Variants in SNED1 observed in about 807,000 individuals in gnomAD.
SNED1 encodes the protein sushi, nidogen and EGF-like domain-containing protein 1.
SNED1 carries 81 observed loss-of-function variants against 166.7 expected under a neutral mutation model. That is an observed-to-expected ratio of 0.49 (90% CI 0.41 to 0.58). The LOEUF (loss-of-function observed/expected upper bound fraction) is 0.58. Among genes scored for constraint, SNED1 ranks in the 20% least tolerant of loss-of-function variants. The probability of loss-of-function intolerance (pLI) is 0.00; values close to 1 mark genes in which losing one functional copy is unlikely to be tolerated. For synonymous variants in SNED1, 762 were observed against 822.0 expected (o/e 0.93, Z 1.25); for missense variants, 1,604 against 2,000.2 (o/e 0.80, Z 3.78).
At chr2:241,022,970 C>G (rs1412902230) in intron 1 of SNED1, among the ~76,000 whole-genome samples, 1 of 152,114 alleles carries the variant, frequency 6.6e-6, no homozygotes, top group Non-Finnish European at 1.5e-5. Flanking sequence ...ATCACTCTCA[C>G]CAGAGGTTTA....
chr2:241,084,840 C>T (rs1195475773), intron 29 of SNED1, among the ~76,000 whole-genome samples: 1 of 152,074 alleles, frequency 6.6e-6, no homozygotes, highest in Non-Finnish European at 1.5e-5. Context: ...CTGCTTTTGT[C>T]TGAAACTATT....
chr2:241,052,635 C>CG (rs1232343788), intron 15 of SNED1, among the ~76,000 whole-genome samples, 167 bp downstream of exon 15: 1 of 88,460 alleles, frequency 1.1e-5, no homozygotes, highest in Non-Finnish European at 2.2e-5. Context: ...GTGAGAGGGC[C>CG]GGGGGGCCAA....
Position 241,070,194 on chromosome 2 carries a change from C to A in SNED1, c.3582C>A (p.Ile1194=), listed in dbSNP as rs1445082727. Residue 1194 remains isoleucine (I), a synonymous_variant, in exon 24 of 32, where the codon ATC becomes ATA. Coordinates refer to ENST00000310397, the MANE Select transcript of SNED1 (RefSeq NM_001080437.3). The part of the protein sequence containing the change: ...PQHSEPAHLY[I]ITSPRDGADR... ...ACAGCGAGCCCGCCCACCTCTACATCATCACCTGTGAGTGCCGTGGGCCCT... is the reference window on the plus strand; with the variant it reads ...ACAGCGAGCCCGCCCACCTCTACATAATCACCTGTGAGTGCCGTGGGCCCT... The A allele has an allele frequency of 6.2e-7, 1 of 1,605,140 alleles. No homozygotes were observed. Among genetic ancestry groups the A allele is most frequent in the Non-Finnish European group, 8.5e-7 (1 of 1,177,830 alleles).
rs536375407 is a variant in SNED1, at chr2:241,013,129, C to T, written c.213+14079C>T. ...GATTACAGGCGTGAGCCACCGCGCC[C>T]GGCCACGAGCAGTACTGTTAACTAC... On this transcript the variant is annotated intron_variant, in intron 1 of 31. Transcript: ENST00000310397. The surrounding 1 kb of genome is among the most constrained non-coding windows in gnomAD (Gnocchi z 4.6). Among the ~76,000 whole-genome samples, 6 of 152,162 alleles carry T rather than the reference C, an allele frequency of 3.9e-5. No individual in the cohort carries two copies. Among genetic ancestry groups the T allele is most frequent in the South Asian group, 2.1e-4 (1 of 4,814 alleles).
intron 8 of SNED1, among the ~76,000 whole-genome samples, chr2:241,047,175 T>G (rs57937869): frequency 0.2 from 11,713 of 59,452 alleles, 746 homozygotes; most frequent in East Asian, 0.33. Flanking sequence ...AAAAAGTAAA[T>G]TAGGTAAACT....
chr2:241,004,872 C>T (rs573402120), intron 1 of SNED1, among the ~76,000 whole-genome samples: 2 of 152,096 alleles, frequency 1.3e-5, no homozygotes, highest in South Asian at 2.1e-4. Flanking sequence ...TAGGCGCCCA[C>T]GACCACACCT....
At position 241,094,046 on chromosome 2, in the gene SNED1, G is replaced by C. The variant is rs1267633581; in HGVS notation, c.*2410G>C. ...CAACAACAGCCTAGGTTCTAGGGAG[G>C]GTGGCAGTGACCGGGATGCCACAAT... On this transcript the variant is annotated 3_prime_UTR_variant, in exon 32 of 32. Transcript: ENST00000310397. The surrounding 1 kb of genome is among the most constrained non-coding windows in gnomAD (Gnocchi z 4.3). 2.8e-5 allele frequency: 9 copies of C among 325,904 alleles called. No individual in the cohort carries two copies. The East Asian group carries it at 5.9e-4, about 21-fold the overall frequency. 20.2% of individuals were successfully genotyped at this position (325,904 alleles called of 1,614,324 possible). A position where few individuals can be genotyped will look rare whatever the true frequency, so the allele number is the denominator to read the frequency against.
rs1217634465 is a variant in SNED1 at position 241,049,481 on chromosome 2, A to G, written c.1619-336A>G. 3.3e-5 allele frequency among the ~76,000 whole-genome samples: 5 copies of G among 152,358 alleles called. 1 individual carries two copies. The highest frequency in any genetic ancestry group is 1.3e-4 in the Admixed American group (2 of 15,312). On this transcript the variant is annotated intron_variant, in intron 11 of 31. Coordinates refer to ENST00000310397, the MANE Select transcript of SNED1 (RefSeq NM_001080437.3). ...CTACTATACGTTTGTTAGTGTATAG[A>G]TGAGATGGTTAATCACTTGCATCAC...
rs553972222 is a variant in SNED1, at chr2:241,026,598, T to C, written c.214-3686T>C. Among the ~76,000 whole-genome samples, 3 of 152,358 alleles carry C rather than the reference T, an allele frequency of 2.0e-5. No individual in the cohort carries two copies. In the East Asian group the frequency reaches 5.8e-4, roughly 29 times the overall value. On this transcript the variant is annotated intron_variant, in intron 1 of 31. Transcript: ENST00000310397. ...AATGCATCAAGTCCACTCTTCAATC[T>C]ATCCAGTTAGTTCTTAATTTCTGTT...
rs138392042 is a variant in SNED1, at chr2:241,064,989, C to T, written c.2713+32C>T. ...GGCGAGGGCGCCTCCAGTGAGGGAG[C>T]CACGAGGGGGTCCCCTCTCCCTAGA... On this transcript the variant is annotated intron_variant, in intron 20 of 31. Coordinates refer to ENST00000310397, the MANE Select transcript of SNED1 (RefSeq NM_001080437.3). The surrounding 1 kb of genome is among the most constrained non-coding windows in gnomAD (Gnocchi z 7.0). 8.0e-5 allele frequency: 119 copies of T among 1,495,362 alleles called. No individual in the cohort carries two copies. The African/African-American group carries it at 1.4e-3, about 17-fold the overall frequency. The allele number at this position is 1,495,362 out of a possible 1,614,324, so 92.6% of individuals were successfully genotyped here.
chr2:241,021,841 G>A (rs79690335), intron 1 of SNED1, among the ~76,000 whole-genome samples: 3,037 of 152,246 alleles, frequency 0.02, 33 homozygotes, highest in African/African-American at 0.033. Flanking sequence ...ATTATTTGAG[G>A]AAATGCCAGA....
chr2:241,016,810 A>G (rs1337461633), intron 1 of SNED1, among the ~76,000 whole-genome samples: 1 of 143,776 alleles, frequency 7.0e-6, no homozygotes, highest in Non-Finnish European at 1.5e-5. Context: ...TGCATTTTCT[A>G]TTTCCACTTA....
intron 16 of SNED1, among the ~76,000 whole-genome samples, chr2:241,054,066 C>T (rs1162768533): frequency 6.6e-6 from 1 of 152,162 alleles, no homozygotes; most frequent in East Asian, 1.9e-4. Flanking sequence ...GGCCAACCTG[C>T]GTGGTCTCAG....
At chr2:241,063,816 C>A in intron 18 of SNED1, 116 bp downstream of exon 18, 1 of 882,190 alleles carries the variant, frequency 1.1e-6, no homozygotes, top group Non-Finnish European at 1.7e-6. Context: ...AGAGGGACCC[C>A]CAGGGCTGCG....
intron 17 of SNED1, 30 bp from the exon 18 acceptor site, chr2:241,063,557 C>G (rs1298709801): frequency 1.3e-6 from 2 of 1,490,406 alleles, no homozygotes; most frequent in Non-Finnish European, 1.8e-6. Context: ...CTTGAGCCAG[C>G]AACACCCTTG....
Position 241,094,724 on chromosome 2 carries a change from C to T in SNED1, c.*3088C>T, listed in dbSNP as rs1297304825. ...TCTTGTGGGACCATCCTGTGCACTG[C>T]AGGATGTTTCACAGCACCCCTGGCC... On this transcript the variant is annotated 3_prime_UTR_variant, in exon 32 of 32. Transcript: ENST00000310397. This position sits in a 1 kb window ranked among gnomAD's most constrained non-coding sequence, Gnocchi z 4.3. The T allele has an allele frequency of 1.8e-5, 4 of 224,562 alleles. No homozygotes were observed. Among genetic ancestry groups the T allele is most frequent in the Non-Finnish European group, 2.7e-5 (3 of 110,352 alleles). The allele number at this position is 224,562 out of a possible 1,614,324, so 13.9% of individuals were successfully genotyped here. A position where few individuals can be genotyped will look rare whatever the true frequency, so the allele number is the denominator to read the frequency against.
At chr2:241,007,586 C>T (rs1464815796) in intron 1 of SNED1, among the ~76,000 whole-genome samples, 3 of 152,170 alleles carry the variant, frequency 2.0e-5, no homozygotes, top group South Asian at 2.1e-4. Context: ...ATGATATATC[C>T]GTAATTCCAT....
At chr2:241,008,970 G>A (rs980905813) in intron 1 of SNED1, among the ~76,000 whole-genome samples, 1 of 152,372 alleles carries the variant, frequency 6.6e-6, no homozygotes, top group Middle Eastern at 3.4e-3. Flanking sequence ...CCTGCCATCA[G>A]CTCTGGGGTG....
chr2:241,038,352 C>T (rs2061433713), intron 6 of SNED1, among the ~76,000 whole-genome samples: 1 of 152,268 alleles, frequency 6.6e-6, no homozygotes, highest in Non-Finnish European at 1.5e-5. Flanking sequence ...CCTGTGTTTA[C>T]ACATATTGGT....
Sources: allele counts gnomAD v4.1 joint callset (sites outside exome capture counted in the v4.1 genomes callset), GRCh38; gene constraint gnomAD v4.1.1; non-coding constraint Gnocchi (gnomAD v3.1); transcripts MANE v1.5; gene names NCBI Gene and HGNC (gene_info 2026-07-23, HGNC 2026-07-21).